The following PLOD3 variants were observed in gnomAD, a reference collection of about 807,000 sequenced individuals.
PLOD3 encodes multifunctional procollagen lysine hydroxylase and glycosyltransferase LH3.
Under a neutral mutation model 96.9 loss-of-function variants are expected in PLOD3, and 73 were observed. That is an observed-to-expected ratio of 0.75 (90% CI 0.62 to 0.92). The LOEUF (loss-of-function observed/expected upper bound fraction) is 0.92, where lower values mean the gene tolerates loss of function less well. Among genes scored for constraint, PLOD3 ranks in the 40% least tolerant of loss-of-function variants. PLOD3 has a pLI of 0.00. For synonymous variants in PLOD3, 454 were observed against 413.7 expected (o/e 1.10, Z -1.18); for missense variants, 1,004 against 1,004.3 (o/e 1.00, Z 0.00).
chr7:101,213,325 G>T (rs1428823418), intron 6 of PLOD3, 121 bp from the exon 7 acceptor site: 28 of 747,962 alleles, frequency 3.7e-5, no homozygotes, highest in Non-Finnish European at 2.4e-6. Context: ...GGCTATCCTG[G>T]AGTGTGGCTC....
Position 101,217,404 on chromosome 7 carries a change from G to GGCT in PLOD3, c.-133_-131dup. 1.1e-6 allele frequency: 1 copy of GGCT among 917,926 alleles called. No homozygotes were observed. The highest frequency in any genetic ancestry group is 3.2e-5 in the East Asian group (1 of 31,604). The allele number at this position is 917,926 out of a possible 1,614,324, so 56.9% of individuals were successfully genotyped here. A position where few individuals can be genotyped will look rare whatever the true frequency, so the allele number is the denominator to read the frequency against. Reference sequence around the variant, plus strand: ...GTGCGGCCGCCGCGGGGAGCAGCTTGGCTGGGGCTACGCCCTGAAAAAAAG... The same window carrying GGCT: ...GTGCGGCCGCCGCGGGGAGCAGCTTGGCTGCTGGGGCTACGCCCTGAAAAAAAG... On this transcript the variant is annotated 5_prime_UTR_variant, in exon 1 of 19. Transcript: ENST00000223127.
At chr7:101,211,055 AT>A (rs1357784518) in intron 12 of PLOD3, 11 of 264,566 alleles carry the variant, frequency 4.2e-5, no homozygotes, top group South Asian at 4.0e-4. Flanking sequence ...TGATTTTTGT[AT>A]TTTTGGTAGA....
At position 101,211,581 on chromosome 7, in the gene PLOD3, C is replaced by T. The variant is rs368359111; in HGVS notation, c.1358+10G>A. On this transcript the variant is annotated intron_variant, in intron 12 of 18. Coordinates refer to ENST00000223127, the MANE Select transcript of PLOD3 (RefSeq NM_001084.5). ...GAGGAGGCGGGGGGCTGCAGGCTGG[C>T]GGGACTCACACTCGCTTCCGCTGCA... 111 of 1,596,714 alleles carry T rather than the reference C, an allele frequency of 7.0e-5. 1 individual carries two copies. In the South Asian group the frequency reaches 9.2e-4, roughly 13 times the overall value.
chr7:101,217,538 C>T lies in PLOD3; in HGVS notation c.-264G>A. The stretch of plus-strand genomic sequence containing the variant: ...AGGGGCGGCGGCTCGGGCCGGCGGG[C>T]GGGAGACAGGGACTCTGGGCTGAGC... On this transcript the variant is annotated 5_prime_UTR_variant, in exon 1 of 19. Coordinates refer to ENST00000223127, the MANE Select transcript of PLOD3 (RefSeq NM_001084.5). The T allele has an allele frequency of 2.3e-6, 1 of 441,852 alleles. No homozygotes were observed. The highest frequency in any genetic ancestry group is 4.0e-6 in the Non-Finnish European group (1 of 250,202). 27.4% of individuals were successfully genotyped at this position (441,852 alleles called of 1,614,324 possible).
intron 15 of PLOD3, chr7:101,209,886 C>T: frequency 1.8e-6 from 1 of 569,530 alleles, no homozygotes; most frequent in Non-Finnish European, 3.1e-6. Context: ...ACCAGTATAC[C>T]CAATATACAG....
chr7:101,212,000 G>C, intron 10 of PLOD3, 50 bp from the exon 11 acceptor site: 1 of 1,310,700 alleles, frequency 7.6e-7, no homozygotes, highest in South Asian at 1.2e-5. Context: ...AGGCGGTGTG[G>C]ATGGGGTAAC....
Position 101,206,204 on chromosome 7 carries a change from C to A in PLOD3, c.*77G>T. 1 of 1,411,154 alleles carries A rather than the reference C, an allele frequency of 7.1e-7. No individual in the cohort carries two copies. Among genetic ancestry groups the A allele is most frequent in the Non-Finnish European group, 1.0e-6 (1 of 995,594 alleles). The allele number at this position is 1,411,154 out of a possible 1,614,324, so 87.4% of individuals were successfully genotyped here. ...GAAGTGGGGAGACAGAGAGACCCAT[C>A]CCCCAACTCCCAGGACGGGGGCCAG... On this transcript the variant is annotated 3_prime_UTR_variant, in exon 19 of 19. Transcript: ENST00000223127.
intron 1 of PLOD3, 82 bp from the exon 2 acceptor site, chr7:101,216,868 A>ACTTCCCTCCCTTTCTTC: frequency 1.1e-6 from 1 of 925,130 alleles, no homozygotes; most frequent in Non-Finnish European, 1.7e-6. Context: ...CTCTCACTCG[A>ACTTCCCTCCCTTTCTTC]CTTCCCTCCC....
At position 101,212,521 on chromosome 7, in the gene PLOD3, G is replaced by C. The variant is rs759337205; in HGVS notation, c.1005+9C>G. ...TCCCTCAGGAGAGGCTCCAACAGGG[G>C]AGTCTCACGTTGTTGTGCAGGAAAA... On this transcript the variant is annotated intron_variant, in intron 9 of 18. Transcript: ENST00000223127. 3 of 1,613,332 alleles carry C rather than the reference G, an allele frequency of 1.9e-6. No individual in the cohort carries two copies. In the African/African-American group the frequency reaches 4.0e-5, roughly 22 times the overall value.
rs1034818885 is a variant in PLOD3 at position 101,207,631 on chromosome 7, G to A, written c.1882C>T (p.Arg628Trp). The A allele has an allele frequency of 9.3e-6, 15 of 1,614,012 alleles. No individual in the cohort carries two copies. The highest frequency in any genetic ancestry group is 1.7e-5 in the Admixed American group (1 of 59,998). ...GYEDQWLQLL[R>W]TYVGPMTESL... ...TCGGTCATGGGGCCCACATACGTCCGCAGCAGCTGCAGCCACTGGTCCTCG... is the reference window on the plus strand; with the variant it reads ...TCGGTCATGGGGCCCACATACGTCCACAGCAGCTGCAGCCACTGGTCCTCG... The change falls in exon 17 of 19, where the codon CGG becomes TGG. Residue 628 changes from arginine to tryptophan, a missense_variant. Physicochemically the swap from Arg to Trp is moderately radical, Grantham distance 101 (BLOSUM62 -3). Around this residue, in one of 5 missense-constraint regions of PLOD3, gnomAD observed 222 missense variants for 220.4 expected, o/e 1.01. Coordinates refer to ENST00000223127, the MANE Select transcript of PLOD3 (RefSeq NM_001084.5).
chr7:101,213,864 A>G (rs1377718044), intron 6 of PLOD3, among the ~76,000 whole-genome samples: 1 of 150,738 alleles, frequency 6.6e-6, no homozygotes, highest in East Asian at 2.0e-4. Flanking sequence ...ATGCCCGGCT[A>G]ATTTTTGTGT....
At chr7:101,210,045 C>T (rs1798156426) in intron 15 of PLOD3, 48 bp downstream of exon 15, 26 of 1,137,686 alleles carry the variant, frequency 2.3e-5, no homozygotes, top group African/African-American at 4.7e-5. Flanking sequence ...CCCCAAGAGG[C>T]GATGGCCATG....
chr7:101,212,133 TG>T, intron 10 of PLOD3, 119 bp downstream of exon 10: 1 of 1,350,544 alleles, frequency 7.4e-7, no homozygotes, highest in Non-Finnish European at 1.0e-6. Context: ...AGGATGCGAA[TG>T]GGGAGGCCCA....
chr7:101,207,414 C>T (rs1165538285), intron 17 of PLOD3, among the ~76,000 whole-genome samples, 164 bp downstream of exon 17: 2 of 152,096 alleles, frequency 1.3e-5, no homozygotes, highest in Non-Finnish European at 2.9e-5. Flanking sequence ...CTCAGCCTGG[C>T]GCCCTCCCTC....
Position 101,217,204 on chromosome 7 carries a change from G to A in PLOD3, c.71C>T (p.Ala24Val). The change falls in exon 1 of 19, where the codon GCC becomes GTC. Residue 24 changes from alanine to valine, a missense_variant. Coordinates refer to ENST00000223127, the MANE Select transcript of PLOD3 (RefSeq NM_001084.5). Reference protein sequence around the residue: ...LPLLLPPAASASDRPRGRDPV... With the variant: ...LPLLLPPAASVSDRPRGRDPV... ...GTCTCGGCCCCGGGGCCGGTCGGAG[G>A]CTGAGGCCGCAGGGGGCAGCAGCAG... The A allele has an allele frequency of 6.7e-7, 1 of 1,500,960 alleles. No individual in the cohort carries two copies. Among genetic ancestry groups the A allele is most frequent in the Non-Finnish European group, 8.9e-7 (1 of 1,126,864 alleles). 93.0% of individuals were successfully genotyped at this position (1,500,960 alleles called of 1,614,324 possible).
intron 10 of PLOD3, 44 bp downstream of exon 10, chr7:101,212,209 T>C (rs368405349): frequency 1.2e-6 from 2 of 1,606,564 alleles, no homozygotes; most frequent in African/African-American, 2.7e-5. Flanking sequence ...CCCCTGACCC[T>C]ACAGCCTCAT....
At chr7:101,206,943 G>A (rs772852878) in intron 17 of PLOD3, 39 bp from the exon 18 acceptor site, 613 of 1,547,330 alleles carry the variant, frequency 4.0e-4, no homozygotes, top group Non-Finnish European at 5.0e-4. Flanking sequence ...GGACAGCTGC[G>A]GGCGCAGGGG....
In PLOD3 at chr7:101,211,944, C is replaced by G; in HGVS notation, c.1134G>C (p.Leu378=). The change falls in exon 11 of 19, where the codon CTG becomes CTC. Residue 378 remains leucine (L), a synonymous_variant. Transcript: ENST00000223127. ...PGEARDMAMD[L]CRQDPECEFY... is the part of the protein sequence containing the mutation. The stretch of plus-strand genomic sequence containing the variant: ...ACTCACACTCGGGGTCCTGCCGACA[C>G]AGGTCCCTGGAGGTGAGAGGCGAGC... 6.2e-7 allele frequency: 1 copy of G among 1,603,086 alleles called. No homozygotes were observed. Among genetic ancestry groups the G allele is most frequent in the East Asian group, 2.3e-5 (1 of 44,444 alleles).
In PLOD3 at chr7:101,210,684, C is replaced by T. The variant is rs755398690; in HGVS notation, c.1359-11G>A. Reference sequence around the variant, plus strand: ...ACATTCCACACACCCCTGGAGGCACCGACACCGCGGTCAGCTGGGAGGACA... The same window carrying T: ...ACATTCCACACACCCCTGGAGGCACTGACACCGCGGTCAGCTGGGAGGACA... On this transcript the variant is annotated splice_polypyrimidine_tract_variant and intron_variant, in intron 12 of 18. Coordinates refer to ENST00000223127, the MANE Select transcript of PLOD3 (RefSeq NM_001084.5). 8 of 1,613,148 alleles carry T rather than the reference C, an allele frequency of 5.0e-6. No individual in the cohort carries two copies. Among genetic ancestry groups the T allele is most frequent in the South Asian group, 2.2e-5 (2 of 91,074 alleles).
Sources: gnomAD v4.1 joint callset for allele counts (sites outside exome capture counted in the v4.1 genomes callset) on GRCh38, gnomAD v4.1.1 for gene constraint, gnomAD v4.1.1 regional missense constraint, MANE v1.5 for transcripts, NCBI Gene and HGNC (gene_info 2026-07-23, HGNC 2026-07-21) for gene names.